HPS1: variants seen among roughly 807,000 people sequenced by gnomAD.
The protein encoded by HPS1 is BLOC-3 complex member HPS1.
A neutral mutation model predicts 90.6 loss-of-function variants in HPS1; 59 were observed. The ratio of observed to expected loss-of-function variants is 0.65; its 90% CI spans 0.53 to 0.81. HPS1 has a LOEUF of 0.81. Ranked by LOEUF, HPS1 falls within the 30% of genes least tolerant of loss-of-function variation. The pLI is 0.00. For missense variants in HPS1, 849 were observed against 896.7 expected, an observed-to-expected ratio of 0.95 and a Z score of 0.68; for synonymous variants, 388 against 384.4, an observed-to-expected ratio of 1.01 and a Z score of -0.11.
At chr10:98,419,778 A>G (rs1019175722) in intron 18 of HPS1, among the ~76,000 whole-genome samples, 1 of 152,272 alleles carries the variant, frequency 6.6e-6, no homozygotes, top group African/African-American at 2.4e-5. Context: ...ACAGTGGGGC[A>G]TGTGCCTTTC....
chr10:98,425,735 C>G lies in HPS1; in HGVS notation c.1156-15G>C. 6.2e-7 allele frequency: 1 copy of G among 1,604,460 alleles called. No individual in the cohort carries two copies. Among genetic ancestry groups the G allele is most frequent in the Non-Finnish European group, 8.5e-7 (1 of 1,173,964 alleles). On this transcript the variant is annotated splice_polypyrimidine_tract_variant and intron_variant, in intron 12 of 19. Coordinates refer to ENST00000361490, the MANE Select transcript of HPS1 (RefSeq NM_000195.5). ...GCGCTGGGGCTCTGAGGGTAAGGGCCGAGAGGCGGGTGAACGGGGCTGCCC... is the reference window on the plus strand; with the variant it reads ...GCGCTGGGGCTCTGAGGGTAAGGGCGGAGAGGCGGGTGAACGGGGCTGCCC...
At chr10:98,427,091 G>C in intron 11 of HPS1, 124 bp downstream of exon 11, 1 of 770,818 alleles carries the variant, frequency 1.3e-6, no homozygotes. Flanking sequence ...GACCAGCCCT[G>C]GGGTGGGCAG....
At chr10:98,436,198 CT>C (rs1179270666) in intron 3 of HPS1, among the ~76,000 whole-genome samples, 5 of 151,998 alleles carry the variant, frequency 3.3e-5, no homozygotes, top group Non-Finnish European at 7.4e-5. Flanking sequence ...AAGATGTTCA[CT>C]ACTGCCTAAT....
chr10:98,418,057 C>T (rs1052202074), intron 19 of HPS1, 118 bp downstream of exon 19: 12 of 726,948 alleles, frequency 1.7e-5, no homozygotes, highest in South Asian at 8.5e-5. Context: ...GTGTTCCCAG[C>T]GTGGATTTCT....
chr10:98,446,580 C>T (rs1939618228), intron 1 of HPS1, among the ~76,000 whole-genome samples: 1 of 152,190 alleles, frequency 6.6e-6, no homozygotes, highest in African/African-American at 2.4e-5. Context: ...GCGGGGCTCC[C>T]GTTTGCCTAG....
At chr10:98,441,573 C>T (rs1027190248) in intron 3 of HPS1, among the ~76,000 whole-genome samples, 5 of 152,194 alleles carry the variant, frequency 3.3e-5, no homozygotes, top group Admixed American at 3.3e-4. Flanking sequence ...AATACAAACA[C>T]AAGCCACAAA....
At chr10:98,428,990 T>C (rs1005355089) in intron 10 of HPS1, among the ~76,000 whole-genome samples, 1 of 151,918 alleles carries the variant, frequency 6.6e-6, no homozygotes. Context: ...TACAGGCGCC[T>C]GCCACCAGAC....
rs369964350 is a variant in HPS1, at chr10:98,429,039, G to T, written c.937+534C>A. 105 of 184,658 alleles carry T rather than the reference G, an allele frequency of 5.7e-4. No individual in the cohort carries two copies. In the East Asian group the frequency reaches 0.014, roughly 25 times the overall value. The allele number at this position is 184,658 out of a possible 1,614,324, so 11.4% of individuals were successfully genotyped here. A position where few individuals can be genotyped will look rare whatever the true frequency, so the allele number is the denominator to read the frequency against. On this transcript the variant is annotated intron_variant, in intron 10 of 19. Coordinates refer to ENST00000361490, the MANE Select transcript of HPS1 (RefSeq NM_000195.5). ...GTATTTTTAGTAGACATGGGGTTTC[G>T]CCATGTTGGCCAGGCTAGTCTCAAA...
chr10:98,425,779 C>A, intron 12 of HPS1, 39 bp downstream of exon 12: 1 of 1,604,934 alleles, frequency 6.2e-7, no homozygotes, highest in South Asian at 1.1e-5. Flanking sequence ...GACGTGCCAA[C>A]CCTAAGCATC....
intron 14 of HPS1, 69 bp downstream of exon 14, chr10:98,424,244 G>C: frequency 9.0e-7 from 1 of 1,115,994 alleles, no homozygotes; most frequent in South Asian, 1.3e-5. Context: ...TGGTGGAGGA[G>C]ATGTGGCCTC....
Position 98,435,486 on chromosome 10 carries a change from C to G in HPS1, c.256-72G>C. ...CTTCACCTGCCCTGGTCTCTGCAGA[C>G]AAGCCAGGGGAGGCTCGGGTCCCAG... On this transcript the variant is annotated intron_variant, in intron 4 of 19. Coordinates refer to ENST00000361490, the MANE Select transcript of HPS1 (RefSeq NM_000195.5). The surrounding 1 kb of genome is among the most constrained non-coding windows in gnomAD (Gnocchi z 4.3). 1.2e-6 allele frequency: 2 copies of G among 1,612,076 alleles called. No individual in the cohort carries two copies. Among genetic ancestry groups the G allele is most frequent in the Non-Finnish European group, 1.7e-6 (2 of 1,178,518 alleles).
chr10:98,414,774 G>T, downstream of HPS1: 1 of 516,466 alleles, frequency 1.9e-6, no homozygotes, highest in East Asian at 3.3e-5. Context: ...CAAGCCCAGA[G>T]AAGGCAAGCA....
At chr10:98,442,608 T>A (rs531861536) in intron 3 of HPS1, 4 of 185,044 alleles carry the variant, frequency 2.2e-5, no homozygotes, top group African/African-American at 7.1e-5. Context: ...TGGACTCAAG[T>A]GATCCTCCCA....
downstream of HPS1, chr10:98,414,183 G>A (rs1292652161): frequency 6.6e-6 from 1 of 151,994 alleles, no homozygotes; most frequent in Non-Finnish European, 1.5e-5. Flanking sequence ...AACTGCTCTA[G>A]TACATATGAA....
chr10:98,421,787 T>A (rs1844885254), intron 17 of HPS1, among the ~76,000 whole-genome samples: 2 of 152,228 alleles, frequency 1.3e-5, no homozygotes, highest in South Asian at 4.1e-4. Flanking sequence ...ATAGCACTAT[T>A]ATTTCCTTCT....
intron 17 of HPS1, 21 bp from the exon 18 acceptor site, chr10:98,420,179 A>G: frequency 1.3e-6 from 2 of 1,541,384 alleles, no homozygotes; most frequent in Non-Finnish European, 1.8e-6. Flanking sequence ...GACAGCAAGC[A>G]TCACCACTCT....
At chr10:98,423,125 G>C (rs1372430973) in intron 16 of HPS1, among the ~76,000 whole-genome samples, 1 of 152,208 alleles carries the variant, frequency 6.6e-6, no homozygotes, top group Admixed American at 6.5e-5. Context: ...GATAAAATTA[G>C]TGTTCCATAA....
chr10:98,433,791 G>A (rs534580900), intron 6 of HPS1, 192 bp downstream of exon 6: 1 of 706,344 alleles, frequency 1.4e-6, no homozygotes, highest in East Asian at 2.9e-5. Context: ...GGATCGAGCT[G>A]TTTTACCATG....
At chr10:98,429,952 G>T in intron 8 of HPS1, 63 bp from the exon 9 acceptor site, 1 of 1,436,398 alleles carries the variant, frequency 7.0e-7, no homozygotes, top group Non-Finnish European at 9.7e-7. Context: ...CACCCCTTCT[G>T]CCTCCCAGCG....
Sources: allele counts gnomAD v4.1 joint callset (sites outside exome capture counted in the v4.1 genomes callset), GRCh38; gene constraint gnomAD v4.1.1; non-coding constraint Gnocchi (gnomAD v3.1); transcripts MANE v1.5; gene names NCBI Gene and HGNC (gene_info 2026-07-23, HGNC 2026-07-21).